EXOC6B: variants seen among roughly 807,000 people sequenced by gnomAD.
EXOC6B encodes the protein SEC15 homolog B.
EXOC6B carries 54 observed loss-of-function variants against 113.5 expected under a neutral mutation model. That is an observed-to-expected ratio of 0.48 (90% confidence interval 0.38 to 0.60). The LOEUF (loss-of-function observed/expected upper bound fraction) is 0.60, where lower values mean the gene tolerates loss of function less well. Among genes scored for constraint, EXOC6B ranks in the 20% least tolerant of loss-of-function variants. EXOC6B has a pLI of 0.00. For missense variants in EXOC6B, 797 were observed against 977.5 expected (o/e 0.82, Z 2.46); for synonymous variants, 357 against 339.0 (o/e 1.05, Z -0.58).
At chr2:72,269,884 A>G (rs1573138345) in intron 20 of EXOC6B, among the ~76,000 whole-genome samples, 2 of 152,312 alleles carry the variant, frequency 1.3e-5, no homozygotes, top group East Asian at 3.9e-4. Context: ...AGGGTTGAGG[A>G]AGCATTTTTC....
chr2:72,391,713 T>TATGC, intron 18 of EXOC6B, among the ~76,000 whole-genome samples: 1 of 152,274 alleles, frequency 6.6e-6, no homozygotes, highest in African/African-American at 2.4e-5. Context: ...GTTCCACCTA[T>TATGC]CTCATATGCT....
intron 20 of EXOC6B, among the ~76,000 whole-genome samples, chr2:72,324,642 A>G (rs1241150427): frequency 6.6e-6 from 1 of 152,220 alleles, no homozygotes; most frequent in East Asian, 1.9e-4. Context: ...TTCATTTAAT[A>G]GTCTAGGAAA....
chr2:72,562,974 A>G (rs1703972414), intron 7 of EXOC6B, among the ~76,000 whole-genome samples: 1 of 152,136 alleles, frequency 6.6e-6, no homozygotes, highest in Non-Finnish European at 1.5e-5. Context: ...GCAGCTGCCT[A>G]ATTCCCTAAT....
intron 18 of EXOC6B, among the ~76,000 whole-genome samples, chr2:72,425,324 CAA>C (rs1486993472): frequency 2.6e-5 from 4 of 152,034 alleles, no homozygotes; most frequent in African/African-American, 4.8e-5. Flanking sequence ...AAAATACTCT[CAA>C]GTGTCATTAA....
intron 20 of EXOC6B, among the ~76,000 whole-genome samples, chr2:72,312,214 A>G (rs1354283104): frequency 2.0e-5 from 3 of 152,166 alleles, no homozygotes; most frequent in African/African-American, 7.2e-5. Flanking sequence ...TGCAACATCT[A>G]GATGGTTGGT....
chr2:72,824,743 T>C (rs1397291515), intron 1 of EXOC6B, among the ~76,000 whole-genome samples: 1 of 152,082 alleles, frequency 6.6e-6, no homozygotes. Context: ...TAAGGATGAG[T>C]TGGTTCTAGG....
chr2:72,327,312 C>T (rs763057352), intron 20 of EXOC6B, among the ~76,000 whole-genome samples: 15 of 152,014 alleles, frequency 9.9e-5, no homozygotes, highest in Non-Finnish European at 1.6e-4. Flanking sequence ...ACCTTCCCTT[C>T]AAGGACCCCT....
intron 6 of EXOC6B, among the ~76,000 whole-genome samples, chr2:72,618,745 T>C (rs952392483): frequency 1.3e-5 from 2 of 152,170 alleles, no homozygotes; most frequent in Non-Finnish European, 2.9e-5. Context: ...CTACATCCAT[T>C]CCTCTACACT....
At chr2:72,401,568 T>TATATATATATATATATAC (rs1693240660) in intron 18 of EXOC6B, among the ~76,000 whole-genome samples, 1 of 23,924 alleles carries the variant, frequency 4.2e-5, no homozygotes, top group Non-Finnish European at 6.6e-5. Flanking sequence ...TATATATACA[T>TATATATATATATATATAC]ATATATATAT....
At chr2:72,306,647 G>A (rs1366737823) in intron 20 of EXOC6B, among the ~76,000 whole-genome samples, 2 of 152,076 alleles carry the variant, frequency 1.3e-5, no homozygotes, top group Non-Finnish European at 2.9e-5. Flanking sequence ...TAAAGATAAA[G>A]GTTATTTTCA....
intron 2 of EXOC6B, among the ~76,000 whole-genome samples, chr2:72,737,338 T>C (rs1019956385): frequency 2.6e-5 from 4 of 151,730 alleles, no homozygotes; most frequent in African/African-American, 9.7e-5. Context: ...AGTGAGACTC[T>C]GCCTCAAAAA....
intron 6 of EXOC6B, among the ~76,000 whole-genome samples, chr2:72,579,823 G>C (rs1159741719): frequency 2.6e-5 from 4 of 152,112 alleles, no homozygotes; most frequent in African/African-American, 4.8e-5. Context: ...TAAGAAACTA[G>C]TTGAAAAGAA....
At chr2:72,803,238 A>T (rs1163519483) in intron 1 of EXOC6B, among the ~76,000 whole-genome samples, 2 of 152,042 alleles carry the variant, frequency 1.3e-5, no homozygotes, top group Non-Finnish European at 2.9e-5. Context: ...TATAGAAATG[A>T]CATCTCAAAA....
At chr2:72,262,259 A>C (rs1455682015) in intron 20 of EXOC6B, among the ~76,000 whole-genome samples, 1 of 151,922 alleles carries the variant, frequency 6.6e-6, no homozygotes, top group East Asian at 1.9e-4. Flanking sequence ...AACAAGATGT[A>C]TCTCAGGTAA....
intron 1 of EXOC6B, among the ~76,000 whole-genome samples, chr2:72,744,126 G>A (rs1184830233): frequency 3.3e-5 from 5 of 152,104 alleles, no homozygotes; most frequent in Admixed American, 6.5e-5. Context: ...AGTAGCAATA[G>A]GCTATACCAT....
chr2:72,815,680 T>C (rs1686199319), intron 1 of EXOC6B, among the ~76,000 whole-genome samples: 1 of 152,096 alleles, frequency 6.6e-6, no homozygotes, highest in African/African-American at 2.4e-5. Context: ...GTCTTTGGGT[T>C]GTTGAAAAAG....
chr2:72,314,162 A>G (rs1207477004), intron 20 of EXOC6B, among the ~76,000 whole-genome samples: 2 of 152,200 alleles, frequency 1.3e-5, no homozygotes, highest in African/African-American at 4.8e-5. Flanking sequence ...GATTATTGTT[A>G]TCCAAAATAT....
chr2:72,762,259 G>C (rs1264635264), intron 1 of EXOC6B, among the ~76,000 whole-genome samples: 1 of 145,260 alleles, frequency 6.9e-6, no homozygotes, highest in Non-Finnish European at 1.5e-5. Context: ...AAAAAAAAAA[G>C]AAAAGAAAAG....
At chr2:72,579,229 G>T (rs1705053903) in intron 6 of EXOC6B, among the ~76,000 whole-genome samples, 1 of 152,084 alleles carries the variant, frequency 6.6e-6, no homozygotes, top group Non-Finnish European at 1.5e-5. Flanking sequence ...AAACAGTGGG[G>T]CCATTCCAAG....
Sources: allele counts gnomAD v4.1 joint callset (sites outside exome capture counted in the v4.1 genomes callset), GRCh38; gene constraint gnomAD v4.1.1; transcripts MANE v1.5; gene names NCBI Gene and HGNC (gene_info 2026-07-23, HGNC 2026-07-21).